LRRN3: variants seen among roughly 807,000 people sequenced by gnomAD.
LRRN3 encodes leucine rich repeat neuronal 3.
A neutral mutation model predicts 40.1 loss-of-function variants in LRRN3; 15 were observed. That is an observed-to-expected ratio of 0.37 (90% CI 0.25 to 0.58). The LOEUF (loss-of-function observed/expected upper bound fraction) is 0.58, where lower values mean the gene tolerates loss of function less well. LRRN3 is among the 20% of genes least tolerant of loss of function. The probability of loss-of-function intolerance (pLI) is 0.72; values close to 1 mark genes in which losing one functional copy is unlikely to be tolerated. For synonymous variants in LRRN3, 308 were observed against 297.2 expected (o/e 1.04, Z -0.37); for missense variants, 746 against 837.7 (o/e 0.89, Z 1.35).
intron 1 of LRRN3, among the ~76,000 whole-genome samples, chr7:111,097,768 G>A (rs1441056343): frequency 6.6e-6 from 1 of 151,724 alleles, no homozygotes; most frequent in African/African-American, 2.4e-5. Flanking sequence ...ACCAAACACT[G>A]AACATGTTCT....
intron 1 of LRRN3, among the ~76,000 whole-genome samples, chr7:111,096,689 T>C (rs1797437863): frequency 6.6e-6 from 1 of 151,798 alleles, no homozygotes; most frequent in East Asian, 1.9e-4. Flanking sequence ...TTAGGGATTT[T>C]CCAGGTTACT....
chr7:111,116,587 C>G (rs1323048262), intron 2 of LRRN3, among the ~76,000 whole-genome samples: 1 of 152,096 alleles, frequency 6.6e-6, no homozygotes, highest in African/African-American at 2.4e-5. Context: ...CATTAACAAT[C>G]AACTTGAAAA....
In LRRN3 at chr7:111,124,873, A is replaced by G. The variant is rs1262872925; in HGVS notation, c.2101A>G (p.Ile701Val). 3 of 1,603,858 alleles carry G rather than the reference A, an allele frequency of 1.9e-6. No individual in the cohort carries two copies. Among genetic ancestry groups the G allele is most frequent in the South Asian group, 2.2e-5 (2 of 89,032 alleles). Reference sequence around the variant, plus strand: ...ATCACTGAAAGTAAAAGCAACTGTTATAGGTTTACCAACAAATATGTCCTA... The same window carrying G: ...ATCACTGAAAGTAAAAGCAACTGTTGTAGGTTTACCAACAAATATGTCCTA... ...STSLKVKATV[I>V]GLPTNMS The change falls in exon 3 of 3, where the codon ATA becomes GTA. Residue 701 changes from isoleucine (I) to valine (V), a missense_variant. Coordinates refer to ENST00000308478, the MANE Select transcript of LRRN3 (RefSeq NM_001099658.2).
chr7:111,112,476 C>T (rs1007978143), intron 2 of LRRN3, among the ~76,000 whole-genome samples: 2 of 151,836 alleles, frequency 1.3e-5, no homozygotes, highest in African/African-American at 2.4e-5. Context: ...TTTCCACTCA[C>T]AAAAAGATGC....
intron 2 of LRRN3, among the ~76,000 whole-genome samples, chr7:111,119,163 T>G (rs1263874418): frequency 2.0e-5 from 3 of 152,326 alleles, no homozygotes; most frequent in African/African-American, 7.2e-5. Context: ...ACAGAAGTAA[T>G]GGTTTCTCCA....
At chr7:111,118,572 G>A (rs763820999) in intron 2 of LRRN3, among the ~76,000 whole-genome samples, 5 of 151,902 alleles carry the variant, frequency 3.3e-5, no homozygotes, top group Non-Finnish European at 7.4e-5. Context: ...AAAAAGTGGA[G>A]ATTAATGTAC....
At position 111,117,657 on chromosome 7, in the gene LRRN3, G is replaced by A. The variant is rs1800049857; in HGVS notation, c.-358-4758G>A. On this transcript the variant is annotated intron_variant, in intron 2 of 2. Transcript: ENST00000308478. ...TAATTCAACAATACCTCTGGGATAT[G>A]GAACCTTCAATTAGAACTAAAGAAA... is the stretch of plus-strand genomic sequence containing the variant. 2.0e-5 allele frequency among the ~76,000 whole-genome samples: 3 copies of A among 152,108 alleles called. No individual in the cohort carries two copies. The South Asian group carries it at 6.2e-4, about 32-fold the overall frequency.
At chr7:111,114,825 T>C (rs1276202903) in intron 2 of LRRN3, among the ~76,000 whole-genome samples, 1 of 151,876 alleles carries the variant, frequency 6.6e-6, no homozygotes, top group Admixed American at 6.6e-5. Context: ...AAAAATTATA[T>C]AATAATAGAA....
At chr7:111,113,189 T>C (rs2129584408) in intron 2 of LRRN3, among the ~76,000 whole-genome samples, 1 of 152,190 alleles carries the variant, frequency 6.6e-6, no homozygotes, top group East Asian at 1.9e-4. Context: ...TACTAGGTCA[T>C]TGGACTCTTG....
rs1801042960 is a variant in LRRN3 at position 111,124,473 on chromosome 7, A to T, written c.1701A>T (p.Gln567His). ...AGACTGAAAATTCTCATGCTGCGCA[A>T]AGTGCTCGAATACCATCTGATGTCA... is the stretch of plus-strand genomic sequence containing the variant. The part of the protein sequence containing the change: ...FVKTENSHAA[Q>H]SARIPSDVKV... Residue 567 changes from glutamine to histidine, a missense_variant, in exon 3 of 3, where the codon CAA (glutamine) becomes CAT (histidine). Coordinates refer to ENST00000308478, the MANE Select transcript of LRRN3 (RefSeq NM_001099658.2). The T allele has an allele frequency of 6.2e-7, 1 of 1,613,844 alleles. No individual in the cohort carries two copies. The highest frequency in any genetic ancestry group is 1.7e-5 in the Admixed American group (1 of 59,918).
chr7:111,113,773 C>A (rs754595087), intron 2 of LRRN3, among the ~76,000 whole-genome samples: 40 of 152,098 alleles, frequency 2.6e-4, no homozygotes, highest in Non-Finnish European at 4.3e-4. Context: ...TCCTGTCATT[C>A]AAGCAGGGGA....
rs775332677 is a variant in LRRN3, at chr7:111,124,749, C to T, written c.1977C>T (p.His659=). ...CAGAAATGAACTGTGATGGTGGACA[C>T]AGCTATGTGAGGAATTACTTACAGA... ...LSPEMNCDGG[H]SYVRNYLQKP... Residue 659 remains histidine (H), a synonymous_variant, in exon 3 of 3, where the codon CAC becomes CAT. Coordinates refer to ENST00000308478, the MANE Select transcript of LRRN3 (RefSeq NM_001099658.2). 1.2e-6 allele frequency: 2 copies of T among 1,613,814 alleles called. No homozygotes were observed. The highest frequency in any genetic ancestry group is 1.7e-6 in the Non-Finnish European group (2 of 1,179,958).
At position 111,124,387 on chromosome 7, in the gene LRRN3, G is replaced by C. The variant is rs1367342863; in HGVS notation, c.1615G>C (p.Val539Leu). The C allele has an allele frequency of 6.2e-7, 1 of 1,613,636 alleles. No homozygotes were observed. ...IRDIQANSVL[V>L]SWKASSKILK... Reference sequence around the variant, plus strand: ...AGATATTCAGGCCAATTCAGTTTTGGTGTCCTGGAAAGCAAGTTCTAAAAT... The same window carrying C: ...AGATATTCAGGCCAATTCAGTTTTGCTGTCCTGGAAAGCAAGTTCTAAAAT... Residue 539 changes from valine (V) to leucine (L), a missense_variant, in exon 3 of 3, where the codon GTG (valine) becomes CTG (leucine). Physicochemically the swap from Val to Leu is conservative, Grantham distance 32. Coordinates refer to ENST00000308478, the MANE Select transcript of LRRN3 (RefSeq NM_001099658.2).
At chr7:111,117,602 G>T (rs145109462) in intron 2 of LRRN3, among the ~76,000 whole-genome samples, 249 of 152,094 alleles carry the variant, frequency 1.6e-3, no homozygotes, top group African/African-American at 4.9e-3. Flanking sequence ...AAGGAAAATA[G>T]AACAGTCTTT....
intron 2 of LRRN3, among the ~76,000 whole-genome samples, chr7:111,111,158 T>C (rs746521197): frequency 6.6e-6 from 1 of 152,104 alleles, no homozygotes; most frequent in South Asian, 2.1e-4. Context: ...GTGAAATGAA[T>C]GCAAATTTAT....
In LRRN3 at chr7:111,091,426, G is replaced by A. The variant is rs73418080; in HGVS notation, c.-519G>A. On this transcript the variant is annotated 5_prime_UTR_variant, in exon 1 of 3. It removes the in-frame stop codon of an upstream open reading frame in the 5' UTR. Coordinates refer to ENST00000308478, the MANE Select transcript of LRRN3 (RefSeq NM_001099658.2). ...ATACCGGGCAAGAACACAACCATGT[G>A]ATTATCTCAACCAAGGAACTGAGGA... 1.2e-4 allele frequency: 19 copies of A among 152,268 alleles called. No homozygotes were observed. The highest frequency in any genetic ancestry group is 4.6e-4 in the African/African-American group (19 of 41,558). The allele number at this position is 152,268 out of a possible 1,614,324, so 9.4% of individuals were successfully genotyped here. A position where few individuals can be genotyped will look rare whatever the true frequency, so the allele number is the denominator to read the frequency against.
rs1797796861 is a variant in LRRN3 at position 111,099,964 on chromosome 7, T to TA, written c.-359+4dup. ...CATGCTCCACAGCCCGGACCCTGGG[T>TA]AAGCTCTTTGTACAACTCACCTCAT... On this transcript the variant is annotated splice_region_variant and intron_variant, in intron 2 of 2. Transcript: ENST00000308478. 6.6e-6 allele frequency: 1 copy of TA among 151,580 alleles called. No homozygotes were observed. Among genetic ancestry groups the TA allele is most frequent in the Admixed American group, 6.6e-5 (1 of 15,148 alleles). The allele number at this position is 151,580 out of a possible 1,614,324, so 9.4% of individuals were successfully genotyped here. A position where few individuals can be genotyped will look rare whatever the true frequency, so the allele number is the denominator to read the frequency against.
At chr7:111,111,942 G>GTTTTTTTTT (rs748410980) in intron 2 of LRRN3, among the ~76,000 whole-genome samples, 20 of 84,128 alleles carry the variant, frequency 2.4e-4, no homozygotes, top group East Asian at 3.6e-4. Flanking sequence ...TATATAGTTT[G>GTTTTTTTTT]TTTTTTTTTT....
At chr7:111,098,355 T>C (rs554741323) in intron 1 of LRRN3, among the ~76,000 whole-genome samples, 2 of 151,838 alleles carry the variant, frequency 1.3e-5, no homozygotes, top group Non-Finnish European at 2.9e-5. Flanking sequence ...CCAAACCATT[T>C]CCTCAATCAA....
Sources: gnomAD v4.1 joint callset for allele counts (sites outside exome capture counted in the v4.1 genomes callset) on GRCh38, gnomAD v4.1.1 for gene constraint, MANE v1.5 for transcripts, NCBI Gene and HGNC (gene_info 2026-07-23, HGNC 2026-07-21) for gene names.